CLEC20A: variants seen among roughly 807,000 people sequenced by gnomAD.
CLEC20A encodes C-type lectin domain containing 20A, also known as putative C-type lectin domain family 20 member A.
At position 178,490,933 on chromosome 1, in the gene CLEC20A, CTCGGGCGAAT is replaced by C. The variant is rs1275857310; in HGVS notation, c.464-506_464-497del. Among the ~76,000 whole-genome samples, 2 of 152,170 alleles carry C rather than the reference CTCGGGCGAAT, an allele frequency of 1.3e-5. 1 individual carries two copies. The highest frequency in any genetic ancestry group is 3.9e-4 in the East Asian group (2 of 5,186). ...GGGGCGGTGCCTGCCCCCACTGGCT[CTCGGGCGAAT>C]CCAGGGCTGAGCAGAATAGATGAAC... is the stretch of plus-strand genomic sequence containing the variant. On this transcript the variant is annotated intron_variant, in intron 3 of 7. Coordinates refer to ENST00000623247, the Ensembl canonical transcript of CLEC20A.
At chr1:178,478,880 C>T (rs1648857917), downstream of CLEC20A, 1 of 152,174 alleles carries the variant, frequency 6.6e-6, no homozygotes, top group African/African-American at 2.4e-5. Context: ...CTATATTTGA[C>T]ATATTGCTGT....
intron 5 of CLEC20A, among the ~76,000 whole-genome samples, chr1:178,485,257 C>G (rs1649104087): frequency 6.6e-6 from 1 of 152,204 alleles, no homozygotes; most frequent in Non-Finnish European, 1.5e-5. Flanking sequence ...AACTACAGAT[C>G]TGAGCATTTT....
chr1:178,492,673 G>A, intron 2 of CLEC20A, 107 bp from the exon 3 acceptor site: 1 of 398,048 alleles, frequency 2.5e-6, no homozygotes, highest in South Asian at 1.3e-4. Flanking sequence ...CAGACAGGCT[G>A]GTCCATCCCT....
rs55731490 is a variant in CLEC20A at position 178,482,095 on chromosome 1, A to C, written c.1122+217T>G. 1,126 of 375,898 alleles carry C rather than the reference A, an allele frequency of 3.0e-3. 17 individuals are homozygous for C. The highest frequency in any genetic ancestry group is 0.022 in the African/African-American group (1,004 of 45,880). 23.3% of individuals were successfully genotyped at this position (375,898 alleles called of 1,614,324 possible). Reference sequence around the variant, plus strand: ...AAAACAAAAAAACAAAAAAACAACAAAAAAAAAAACTTAGGAAAGACATTG... The same window carrying C: ...AAAACAAAAAAACAAAAAAACAACACAAAAAAAAACTTAGGAAAGACATTG... On this transcript the variant is annotated intron_variant, in intron 7 of 7. Transcript: ENST00000623247.
At chr1:178,479,553 G>A (rs750176642) in exon 8 of CLEC20A, 2 of 398,446 alleles carry the variant, frequency 5.0e-6, no homozygotes, top group Non-Finnish European at 8.8e-6. Context: ...TGTTCACTTC[G>A]AAGCTGACCC....
intron 7 of CLEC20A, chr1:178,481,444 T>G (rs1038392143): frequency 1.3e-5 from 2 of 152,198 alleles, no homozygotes; most frequent in Non-Finnish European, 2.9e-5. Context: ...AAATGGTGTA[T>G]AGGGTACTCT....
intron 5 of CLEC20A, among the ~76,000 whole-genome samples, chr1:178,485,693 T>G (rs1316296205): frequency 6.6e-6 from 1 of 152,198 alleles, no homozygotes; most frequent in Non-Finnish European, 1.5e-5. Context: ...CATCTTGGTA[T>G]CCACAGTTCA....
intron 2 of CLEC20A, among the ~76,000 whole-genome samples, chr1:178,493,922 T>C (rs1367109374): frequency 1.3e-5 from 2 of 152,270 alleles, no homozygotes; most frequent in Non-Finnish European, 2.9e-5. Flanking sequence ...TTTATTTGTA[T>C]TCTATCCTGA....
At chr1:178,496,956 G>A, upstream of CLEC20A, 2 of 400,118 alleles carry the variant, frequency 5.0e-6, no homozygotes, top group Non-Finnish European at 8.8e-6. Flanking sequence ...GCACTGGCTG[G>A]GCGATGGCTG....
chr1:178,496,635 G>C, intron 1 of CLEC20A: 1 of 388,894 alleles, frequency 2.6e-6, no homozygotes, highest in East Asian at 3.6e-5. Context: ...GAATGTCTTA[G>C]CCCCGCTAGA....
At chr1:178,494,111 G>A (rs1316324972) in intron 2 of CLEC20A, among the ~76,000 whole-genome samples, 3 of 152,168 alleles carry the variant, frequency 2.0e-5, no homozygotes, top group Non-Finnish European at 2.9e-5. Context: ...AACCAACCCT[G>A]GGCCAGGCCC....
At chr1:178,486,570 G>A (rs1649149404) in intron 5 of CLEC20A, 1 of 398,666 alleles carries the variant, frequency 2.5e-6, no homozygotes, top group South Asian at 1.3e-4. Flanking sequence ...TGCTTTCTTT[G>A]GTCCCCAGAG....
upstream of CLEC20A, among the ~76,000 whole-genome samples, chr1:178,499,211 G>A (rs1177516823): frequency 4.6e-5 from 7 of 152,218 alleles, no homozygotes; most frequent in African/African-American, 1.7e-4. Flanking sequence ...TGAGAGCACG[G>A]ACTGTGCCAA....
In CLEC20A at chr1:178,492,569, G is replaced by A. The variant is rs1278207288; in HGVS notation, c.398-3C>T. On this transcript the variant is annotated splice_region_variant and splice_polypyrimidine_tract_variant and intron_variant, in intron 2 of 7. Coordinates refer to ENST00000623247, the Ensembl canonical transcript of CLEC20A. ...GATGAGGTGCCCGACGTCAGGGTCT[G>A]TAAAACAGAAACAGACCACGAGTTA... The A allele has an allele frequency of 1.8e-5, 7 of 398,456 alleles. No homozygotes were observed. The highest frequency in any genetic ancestry group is 3.1e-5 in the Non-Finnish European group (7 of 226,086). 24.7% of individuals were successfully genotyped at this position (398,456 alleles called of 1,614,324 possible).
intron 5 of CLEC20A, chr1:178,484,378 C>T (rs961047770): frequency 1.3e-5 from 2 of 152,052 alleles, no homozygotes; most frequent in African/African-American, 4.8e-5. Context: ...CTGTTAAGTA[C>T]AAAAATACAT....
At chr1:178,492,115 C>G (rs1422601073) in intron 3 of CLEC20A, among the ~76,000 whole-genome samples, 2 of 152,032 alleles carry the variant, frequency 1.3e-5, no homozygotes, top group African/African-American at 4.8e-5. Context: ...AAAACCCCAT[C>G]TCTACTAAAA....
upstream of CLEC20A, among the ~76,000 whole-genome samples, chr1:178,498,836 C>T (rs565691415): frequency 1.6e-4 from 25 of 152,322 alleles, no homozygotes; most frequent in Non-Finnish European, 2.4e-4. Context: ...GAAGGGCAAA[C>T]GGCCCCTCTG....
upstream of CLEC20A, among the ~76,000 whole-genome samples, chr1:178,498,183 G>A (rs1194929833): frequency 6.6e-6 from 1 of 151,998 alleles, no homozygotes. Context: ...AATACTAAAA[G>A]CTTTTCAGTG....
At chr1:178,492,594 A>T (rs1385551621) in intron 2 of CLEC20A, 28 bp from the exon 3 acceptor site, 1 of 398,456 alleles carries the variant, frequency 2.5e-6, no homozygotes, top group Non-Finnish European at 4.4e-6. Context: ...ACCACGAGTT[A>T]TGGGGAGGCC....
Sources: allele counts gnomAD v4.1 joint callset (sites outside exome capture counted in the v4.1 genomes callset), GRCh38; gene constraint gnomAD v4.1.1; transcripts MANE v1.5; gene names NCBI Gene and HGNC (gene_info 2026-07-23, HGNC 2026-07-21).